MBNL2: variants seen among roughly 807,000 people sequenced by gnomAD.
MBNL2 encodes muscleblind-like protein 2.
MBNL2 carries 17 observed loss-of-function variants against 41.9 expected under a neutral mutation model. The ratio of observed to expected loss-of-function variants is 0.41; its 90% confidence interval spans 0.28 to 0.61. The LOEUF (loss-of-function observed/expected upper bound fraction) is 0.61. MBNL2 is among the 20% of genes least tolerant of loss of function. The pLI, the probability that MBNL2 is intolerant of heterozygous loss-of-function variation, is 0.35. For missense variants in MBNL2, 336 were observed against 505.6 expected, an observed-to-expected ratio of 0.66 and a Z score of 3.22; for synonymous variants, 195 against 182.9, an observed-to-expected ratio of 1.07 and a Z score of -0.53.
intron 3 of MBNL2, among the ~76,000 whole-genome samples, chr13:97,342,621 G>C (rs147877186): frequency 2.5e-3 from 386 of 152,278 alleles, no homozygotes; most frequent in African/African-American, 9.1e-3. Flanking sequence ...AGGGTTTTGT[G>C]ACTCCTCTCC....
chr13:97,172,079 G>C, the MBNL2 span, among the ~76,000 whole-genome samples: 5 of 152,068 alleles, frequency 3.3e-5, no homozygotes, highest in Admixed American at 6.6e-5. Flanking sequence ...GACTAATACA[G>C]GTCTGCCACT....
chr13:97,272,592 C>A (rs1436867419), intron 1 of MBNL2, among the ~76,000 whole-genome samples: 1 of 152,090 alleles, frequency 6.6e-6, no homozygotes, highest in African/African-American at 2.4e-5. Flanking sequence ...AAATTTAAGT[C>A]TTTAATCCAT....
intron 3 of MBNL2, among the ~76,000 whole-genome samples, chr13:97,338,730 G>A (rs1247652472): frequency 6.6e-6 from 1 of 152,170 alleles, no homozygotes; most frequent in Non-Finnish European, 1.5e-5. Flanking sequence ...GAAGAACCAC[G>A]AGGGACAAGT....
intron 2 of MBNL2, among the ~76,000 whole-genome samples, chr13:97,276,686 A>G (rs2052207019): frequency 6.6e-6 from 1 of 152,210 alleles, no homozygotes; most frequent in African/African-American, 2.4e-5. Context: ...CTGGCTTGTG[A>G]CAACTGAAGA....
the MBNL2 span, among the ~76,000 whole-genome samples, chr13:97,161,775 AG>A: frequency 6.6e-6 from 1 of 152,190 alleles, no homozygotes; most frequent in Non-Finnish European, 1.5e-5. Flanking sequence ...CCATGTCTTC[AG>A]TTGCCGTGAG....
chr13:97,178,853 C>T, the MBNL2 span, among the ~76,000 whole-genome samples: 1 of 152,120 alleles, frequency 6.6e-6, no homozygotes, highest in African/African-American at 2.4e-5. Flanking sequence ...GCCATGATTA[C>T]ACCACTGCAC....
At chr13:97,338,706 G>C (rs1257602308) in intron 3 of MBNL2, among the ~76,000 whole-genome samples, 1 of 152,192 alleles carries the variant, frequency 6.6e-6, no homozygotes, top group Non-Finnish European at 1.5e-5. Flanking sequence ...GCGACCTTTA[G>C]GAGGATGGAG....
the MBNL2 span, among the ~76,000 whole-genome samples, chr13:97,150,784 G>A: frequency 6.6e-6 from 1 of 152,132 alleles, no homozygotes; most frequent in Non-Finnish European, 1.5e-5. Context: ...GAGTATTTGG[G>A]ATTACATCTG....
the MBNL2 span, among the ~76,000 whole-genome samples, chr13:97,194,189 A>T: frequency 6.6e-6 from 1 of 152,208 alleles, no homozygotes; most frequent in African/African-American, 2.4e-5. Context: ...AATTGTACTT[A>T]CTTTACTCAT....
the MBNL2 span, among the ~76,000 whole-genome samples, chr13:97,210,417 G>A: frequency 1.3e-5 from 2 of 152,076 alleles, no homozygotes; most frequent in Non-Finnish European, 2.9e-5. Flanking sequence ...TTGTGGCATA[G>A]CTTGTGGTTT....
the MBNL2 span, among the ~76,000 whole-genome samples, chr13:97,155,094 A>T: frequency 6.6e-6 from 1 of 152,182 alleles, no homozygotes; most frequent in Non-Finnish European, 1.5e-5. Flanking sequence ...GCTTTTTAAA[A>T]GAACTCATTT....
chr13:97,345,403 A>G (rs2061754507), intron 4 of MBNL2, among the ~76,000 whole-genome samples: 1 of 152,272 alleles, frequency 6.6e-6, no homozygotes, highest in Non-Finnish European at 1.5e-5. Context: ...TATGCAGGGC[A>G]TAATTAAGAA....
At chr13:97,294,364 A>T (rs2056689533) in intron 2 of MBNL2, among the ~76,000 whole-genome samples, 1 of 152,256 alleles carries the variant, frequency 6.6e-6, no homozygotes, top group Non-Finnish European at 1.5e-5. Context: ...ACAGATAGCC[A>T]TGCAGAATTT....
At chr13:97,168,577 A>T in the MBNL2 span, among the ~76,000 whole-genome samples, 1 of 152,186 alleles carries the variant, frequency 6.6e-6, no homozygotes, top group African/African-American at 2.4e-5. Context: ...AAAACCAGCC[A>T]TGAGAGTCTG....
intron 2 of MBNL2, among the ~76,000 whole-genome samples, chr13:97,296,440 G>A (rs2057022736): frequency 6.6e-6 from 1 of 152,092 alleles, no homozygotes; most frequent in African/African-American, 2.4e-5. Flanking sequence ...GCTTTATCAA[G>A]GTGCTTTTTT....
chr13:97,154,836 T>A, the MBNL2 span, among the ~76,000 whole-genome samples: 47 of 151,842 alleles, frequency 3.1e-4, no homozygotes, highest in Non-Finnish European at 6.5e-4. Context: ...GATGGATGGA[T>A]GGATAGACAA....
chr13:97,242,711 T>TGA (rs1457107729), intron 1 of MBNL2, among the ~76,000 whole-genome samples: 1 of 151,434 alleles, frequency 6.6e-6, no homozygotes, highest in Non-Finnish European at 1.5e-5. Flanking sequence ...GGGTTGGGGA[T>TGA]GAGGGTACCT....
At position 97,262,138 on chromosome 13, in the gene MBNL2, C is replaced by A. The variant is rs76212419; in HGVS notation, c.-604-13494C>A. 4.1e-3 allele frequency among the ~76,000 whole-genome samples: 623 copies of A among 152,336 alleles called. 6 individuals carry two copies. The highest frequency in any genetic ancestry group is 0.014 in the African/African-American group (599 of 41,572). The stretch of plus-strand genomic sequence containing the variant: ...GGGTAGCTGCTCAGGATCCCGCAGG[C>A]ACCAAAGCATCTCTGACTTCAGAGC... On this transcript the variant is annotated intron_variant, in intron 1 of 8. Transcript: ENST00000679496.
At chr13:97,197,980 T>A in the MBNL2 span, among the ~76,000 whole-genome samples, 1 of 152,206 alleles carries the variant, frequency 6.6e-6, no homozygotes, top group Non-Finnish European at 1.5e-5. Flanking sequence ...CTCAGACTCA[T>A]ATTGAGTTGC....
Sources: allele counts gnomAD v4.1 joint callset (sites outside exome capture counted in the v4.1 genomes callset), GRCh38; gene constraint gnomAD v4.1.1; transcripts MANE v1.5; gene names NCBI Gene and HGNC (gene_info 2026-07-23, HGNC 2026-07-21).